The following STK32A variants were observed in gnomAD, a reference collection of about 807,000 sequenced individuals.
STK32A encodes serine/threonine kinase 32A.
Under a neutral mutation model 53.2 loss-of-function variants are expected in STK32A, and 41 were observed. The observed-to-expected ratio is 0.77, with a 90% CI of 0.60 to 1.00. The LOEUF is 1.00. STK32A is among the 50% of genes least tolerant of loss of function. The pLI is 0.00. For synonymous variants in STK32A, 166 were observed against 162.8 expected (o/e 1.02, Z -0.15); for missense variants, 458 against 485.8 (o/e 0.94, Z 0.54).
At chr5:147,348,223 A>G (rs910449252) in intron 6 of STK32A, among the ~76,000 whole-genome samples, 1 of 152,328 alleles carries the variant, frequency 6.6e-6, no homozygotes, top group Admixed American at 6.5e-5. Flanking sequence ...GTGCAACAAC[A>G]TTTTGAAAAC....
intron 2 of STK32A, among the ~76,000 whole-genome samples, chr5:147,275,584 A>C (rs2151953239): frequency 6.6e-6 from 1 of 152,256 alleles, no homozygotes; most frequent in East Asian, 1.9e-4. Context: ...TCGGCCTCCC[A>C]AAGTGCTGGG....
chr5:147,331,491 ATGAGC>A (rs1754870902), intron 5 of STK32A, among the ~76,000 whole-genome samples: 1 of 152,212 alleles, frequency 6.6e-6, no homozygotes, highest in African/African-American at 2.4e-5. Context: ...TCAAGGTCAG[ATGAGC>A]TGTTCAGTGC....
At chr5:147,377,282 AATT>A (rs1757269270) in intron 11 of STK32A, among the ~76,000 whole-genome samples, 1 of 151,626 alleles carries the variant, frequency 6.6e-6, no homozygotes, top group African/African-American at 2.4e-5. Flanking sequence ...CCTTCATTCC[AATT>A]ATTTCAGTCT....
chr5:147,396,410 A>C, the STK32A span, among the ~76,000 whole-genome samples: 3 of 152,216 alleles, frequency 2.0e-5, no homozygotes, highest in Non-Finnish European at 4.4e-5. Context: ...GCTTACAGTC[A>C]ACTGGACAAA....
At chr5:147,298,944 C>T (rs1752997369) in intron 4 of STK32A, among the ~76,000 whole-genome samples, 1 of 152,070 alleles carries the variant, frequency 6.6e-6, no homozygotes, top group South Asian at 2.1e-4. Flanking sequence ...GAGATGGCTG[C>T]CAGATCTGGT....
intron 4 of STK32A, among the ~76,000 whole-genome samples, chr5:147,312,732 T>C (rs1323761879): frequency 1.3e-5 from 2 of 152,184 alleles, no homozygotes; most frequent in African/African-American, 4.8e-5. Context: ...CAACGTACTC[T>C]AGAGAGAGAA....
chr5:147,363,012 G>A (rs535193808), intron 8 of STK32A, among the ~76,000 whole-genome samples: 1 of 152,158 alleles, frequency 6.6e-6, no homozygotes, highest in South Asian at 2.1e-4. Context: ...CTTGAGCCCA[G>A]GAGGTAGAGG....
At chr5:147,255,123 G>C (rs35610443) in intron 2 of STK32A, among the ~76,000 whole-genome samples, 36,199 of 152,104 alleles carry the variant, frequency 0.24, 4,710 homozygotes, top group Admixed American at 0.33. Flanking sequence ...CTGGGCGACA[G>C]AGACTCCACC....
chr5:147,334,703 G>C (rs781345602), intron 5 of STK32A, among the ~76,000 whole-genome samples: 10 of 152,192 alleles, frequency 6.6e-5, no homozygotes, highest in Non-Finnish European at 1.2e-4. Flanking sequence ...TCATGATGCT[G>C]TCACAATGGT....
At chr5:147,286,290 G>C (rs1752333539) in intron 4 of STK32A, among the ~76,000 whole-genome samples, 1 of 151,894 alleles carries the variant, frequency 6.6e-6, no homozygotes, top group South Asian at 2.1e-4. Flanking sequence ...GTGGGAGGGG[G>C]GCGAGGGATA....
At position 147,329,120 on chromosome 5, in the gene STK32A, G is replaced by A. The variant is rs116628059; in HGVS notation, c.434+5049G>A. ...AAAATTTCATTTCCCATTGAGTACC[G>A]AAATGTTGAAGAGAAATAAAAGAAG... On this transcript the variant is annotated intron_variant, in intron 5 of 12. Coordinates refer to ENST00000397936, the MANE Select transcript of STK32A (RefSeq NM_001112724.2). Among the ~76,000 whole-genome samples, 904 of 152,208 alleles carry A rather than the reference G, an allele frequency of 5.9e-3. 7 individuals are homozygous for A. The highest frequency in any genetic ancestry group is 0.018 in the South Asian group (86 of 4,824).
At chr5:147,316,995 T>C (rs1754027246) in intron 4 of STK32A, among the ~76,000 whole-genome samples, 1 of 150,478 alleles carries the variant, frequency 6.6e-6, no homozygotes, top group Non-Finnish European at 1.5e-5. Flanking sequence ...TAAGGAGAAA[T>C]GATAGAATTC....
intron 4 of STK32A, among the ~76,000 whole-genome samples, chr5:147,302,220 C>T (rs1024619951): frequency 1.3e-5 from 2 of 152,170 alleles, no homozygotes; most frequent in African/African-American, 4.8e-5. Flanking sequence ...TTTTTACTAT[C>T]TATGCCATTC....
At chr5:147,264,028 C>CAA (rs1333570954) in intron 2 of STK32A, among the ~76,000 whole-genome samples, 2 of 152,154 alleles carry the variant, frequency 1.3e-5, no homozygotes, top group Admixed American at 1.3e-4. Flanking sequence ...AAGATAAGAG[C>CAA]AAAGCCTTCA....
At chr5:147,315,321 C>G (rs1753938608) in intron 4 of STK32A, among the ~76,000 whole-genome samples, 1 of 152,164 alleles carries the variant, frequency 6.6e-6, no homozygotes, top group Non-Finnish European at 1.5e-5. Context: ...GTAGAAATAA[C>G]CCGAATGTCC....
chr5:147,255,908 C>T (rs1351928217), intron 2 of STK32A, among the ~76,000 whole-genome samples: 1 of 152,186 alleles, frequency 6.6e-6, no homozygotes, highest in Admixed American at 6.5e-5. Context: ...TCATGGGACC[C>T]TAATTGTGTC....
At chr5:147,317,805 A>G (rs1194851617) in intron 4 of STK32A, among the ~76,000 whole-genome samples, 2 of 152,242 alleles carry the variant, frequency 1.3e-5, no homozygotes, top group East Asian at 3.8e-4. Flanking sequence ...AAAAGTTTAC[A>G]AAACAATCAG....
rs1205144769 is a variant in STK32A, at chr5:147,385,514, G to A, written c.*1531G>A. 2 of 152,140 alleles carry A rather than the reference G, an allele frequency of 1.3e-5. No individual in the cohort carries two copies. Among genetic ancestry groups the A allele is most frequent in the African/African-American group, 2.4e-5 (1 of 41,428 alleles). The allele number at this position is 152,140 out of a possible 1,614,324, so 9.4% of individuals were successfully genotyped here. A position where few individuals can be genotyped will look rare whatever the true frequency, so the allele number is the denominator to read the frequency against. ...GTTCATGGAGACTAAGGGAACAGTG[G>A]TATCATGTCTCCCTTCTCCCTTGTG... On this transcript the variant is annotated 3_prime_UTR_variant, in exon 13 of 13. Coordinates refer to ENST00000397936, the MANE Select transcript of STK32A (RefSeq NM_001112724.2).
chr5:147,349,878 G>A (rs1001002066), intron 6 of STK32A, among the ~76,000 whole-genome samples: 3 of 152,008 alleles, frequency 2.0e-5, no homozygotes, highest in East Asian at 1.9e-4. Context: ...TTCAGAGGCC[G>A]AGGCAAGCAG....
Sources: gnomAD v4.1 joint callset for allele counts (sites outside exome capture counted in the v4.1 genomes callset) on GRCh38, gnomAD v4.1.1 for gene constraint, MANE v1.5 for transcripts, NCBI Gene and HGNC (gene_info 2026-07-23, HGNC 2026-07-21) for gene names.